Variants in PTPRD observed in about 807,000 individuals in gnomAD.
PTPRD encodes the protein receptor-type tyrosine-protein phosphatase delta.
A neutral mutation model predicts 214.5 loss-of-function variants in PTPRD; 34 were observed. The observed-to-expected ratio is 0.16, with a 90% confidence interval of 0.12 to 0.21. The LOEUF is 0.21. Among genes scored for constraint, PTPRD ranks in the 10% least tolerant of loss-of-function variants. PTPRD has a pLI of 1.00. For missense variants in PTPRD, 2,545 were observed against 2,398.7 expected, an observed-to-expected ratio of 1.06 and a Z score of -1.27; for synonymous variants, 1,128 against 845.7, an observed-to-expected ratio of 1.33 and a Z score of -5.79.
chr9:9,949,448 T>C (rs2093199001), intron 4 of PTPRD, among the ~76,000 whole-genome samples: 1 of 152,130 alleles, frequency 6.6e-6, no homozygotes, highest in African/African-American at 2.4e-5. Flanking sequence ...AACTTACTGA[T>C]TGGGATAATC....
chr9:8,349,183 T>TA (rs1335010531), intron 39 of PTPRD, among the ~76,000 whole-genome samples: 1 of 152,190 alleles, frequency 6.6e-6, no homozygotes, highest in African/African-American at 2.4e-5. Flanking sequence ...AAGTAATGCT[T>TA]ATAATTTGAT....
chr9:9,682,744 C>CTCCAGCATG (rs2097098171), intron 7 of PTPRD, among the ~76,000 whole-genome samples: 1 of 151,756 alleles, frequency 6.6e-6, no homozygotes, highest in South Asian at 2.1e-4. Flanking sequence ...GAACTTTCCT[C>CTCCAGCATG]TCCAGCATGC....
At chr9:9,512,081 T>A (rs1450768630) in intron 8 of PTPRD, among the ~76,000 whole-genome samples, 1 of 151,816 alleles carries the variant, frequency 6.6e-6, no homozygotes, top group Non-Finnish European at 1.5e-5. Context: ...GCCAGAGATA[T>A]GTTTTTCCTC....
At chr9:8,781,781 C>T (rs867712104) in intron 11 of PTPRD, among the ~76,000 whole-genome samples, 15 of 152,244 alleles carry the variant, frequency 9.9e-5, no homozygotes, top group East Asian at 5.8e-4. Context: ...ACAATGAGTA[C>T]GTTTTCCCAA....
intron 5 of PTPRD, among the ~76,000 whole-genome samples, chr9:9,779,864 T>A (rs749180651): frequency 6.6e-6 from 1 of 152,152 alleles, no homozygotes; most frequent in Non-Finnish European, 1.5e-5. Flanking sequence ...CTCAAAAAAC[T>A]TAAAATAGAG....
chr9:9,164,352 A>T (rs1230173178), intron 10 of PTPRD, among the ~76,000 whole-genome samples: 1 of 152,076 alleles, frequency 6.6e-6, no homozygotes, highest in Admixed American at 6.6e-5. Context: ...TTGCCTTCCC[A>T]CATTGATTTT....
chr9:9,335,666 A>T (rs941726351), intron 9 of PTPRD, among the ~76,000 whole-genome samples: 6 of 152,108 alleles, frequency 3.9e-5, no homozygotes, highest in African/African-American at 1.4e-4. Context: ...TCACATATTC[A>T]TTGTTTCTTT....
chr9:9,701,110 A>G (rs899091383), intron 7 of PTPRD, among the ~76,000 whole-genome samples: 9 of 152,004 alleles, frequency 5.9e-5, no homozygotes, highest in African/African-American at 2.2e-4. Context: ...AAGAATGGAG[A>G]GCAGCTCATA....
At chr9:10,141,080 G>C (rs1473421094) in intron 3 of PTPRD, among the ~76,000 whole-genome samples, 3 of 152,044 alleles carry the variant, frequency 2.0e-5, no homozygotes, top group Non-Finnish European at 4.4e-5. Flanking sequence ...CAATAAATTA[G>C]GTATTGATGG....
At chr9:8,847,819 A>G (rs2097728674) in intron 11 of PTPRD, among the ~76,000 whole-genome samples, 1 of 152,206 alleles carries the variant, frequency 6.6e-6, no homozygotes, top group Non-Finnish European at 1.5e-5. Flanking sequence ...AATGAAAACA[A>G]GAGTATTTTA....
At chr9:8,387,051 G>A (rs1209673464) in intron 37 of PTPRD, among the ~76,000 whole-genome samples, 2 of 152,140 alleles carry the variant, frequency 1.3e-5, no homozygotes, top group African/African-American at 4.8e-5. Flanking sequence ...ATTGGCTTAT[G>A]CAGGTCATCA....
At chr9:8,978,795 G>A (rs2099285610) in intron 11 of PTPRD, among the ~76,000 whole-genome samples, 1 of 152,100 alleles carries the variant, frequency 6.6e-6, no homozygotes, top group Non-Finnish European at 1.5e-5. Flanking sequence ...GCTAAGTGAG[G>A]CTCAGAAAAC....
At chr9:8,532,528 T>C (rs982232169) in intron 14 of PTPRD, among the ~76,000 whole-genome samples, 9 of 152,058 alleles carry the variant, frequency 5.9e-5, no homozygotes, top group African/African-American at 1.2e-4. Flanking sequence ...AATTAACAAA[T>C]TGTCAATATG....
intron 10 of PTPRD, among the ~76,000 whole-genome samples, chr9:9,069,412 G>C (rs1226090568): frequency 6.6e-6 from 1 of 152,188 alleles, no homozygotes; most frequent in African/African-American, 2.4e-5. Flanking sequence ...GAATGAGCTG[G>C]TTTGGGAAGA....
At chr9:9,284,947 T>C (rs1000339133) in intron 9 of PTPRD, among the ~76,000 whole-genome samples, 2 of 151,800 alleles carry the variant, frequency 1.3e-5, no homozygotes, top group African/African-American at 4.8e-5. Flanking sequence ...TTTTTGCAAA[T>C]GTTAGACAAT....
In PTPRD at chr9:8,460,401, G is replaced by T. The variant is rs2134132962; in HGVS notation, c.3875+10C>A. On this transcript the variant is annotated intron_variant, in intron 33 of 45. Transcript: ENST00000381196. ...TCCAAAATTACAACAGAAATATTGG[G>T]CAAACCTACCTTTTATAAAGAAGAA... The T allele has an allele frequency of 6.2e-7, 1 of 1,610,594 alleles. No individual in the cohort carries two copies. The highest frequency in any genetic ancestry group is 1.7e-5 in the Admixed American group (1 of 59,582).
chr9:9,852,203 G>A (rs1015901932), intron 5 of PTPRD, among the ~76,000 whole-genome samples: 5 of 151,984 alleles, frequency 3.3e-5, no homozygotes, highest in Admixed American at 1.3e-4. Context: ...GAATGAAAAG[G>A]ATTTTTGCAA....
intron 2 of PTPRD, among the ~76,000 whole-genome samples, chr9:10,436,144 T>C (rs2098715597): frequency 6.6e-6 from 1 of 151,824 alleles, no homozygotes; most frequent in Admixed American, 6.6e-5. Context: ...TAGAACACAT[T>C]AGAAGATGAT....
At chr9:8,906,884 C>T (rs756605119) in intron 11 of PTPRD, among the ~76,000 whole-genome samples, 1 of 152,048 alleles carries the variant, frequency 6.6e-6, no homozygotes, top group Non-Finnish European at 1.5e-5. Context: ...ACTGCAAGCT[C>T]ACACAAAGGC....
Sources: gnomAD v4.1 joint callset for allele counts (sites outside exome capture counted in the v4.1 genomes callset) on GRCh38, gnomAD v4.1.1 for gene constraint, MANE v1.5 for transcripts, NCBI Gene and HGNC (gene_info 2026-07-23, HGNC 2026-07-21) for gene names.